The following ULK4 variants were observed in gnomAD, a reference collection of about 807,000 sequenced individuals.
The protein encoded by ULK4 is inactive serine/threonine-protein kinase ULK4.
In ULK4, 133 loss-of-function variants were observed where a neutral mutation model predicts 160.6. That is an observed-to-expected ratio of 0.83 (90% CI 0.72 to 0.96). The LOEUF is 0.96. Ranked by LOEUF, ULK4 falls within the 40% of genes least tolerant of loss-of-function variation. The pLI, the probability that ULK4 is intolerant of heterozygous loss-of-function variation, is 0.00. For missense variants in ULK4, 1,580 were observed against 1,499.5 expected (o/e 1.05, Z -0.89); for synonymous variants, 534 against 539.8 (o/e 0.99, Z 0.15).
chr3:41,797,351 A>C (rs994640809), intron 20 of ULK4, among the ~76,000 whole-genome samples: 6 of 152,202 alleles, frequency 3.9e-5, no homozygotes, highest in African/African-American at 1.4e-4. Flanking sequence ...AATGATGCAA[A>C]TGGATAATCA....
chr3:41,682,194 C>T (rs186711989), intron 27 of ULK4, among the ~76,000 whole-genome samples: 163 of 152,196 alleles, frequency 1.1e-3, no homozygotes, highest in African/African-American at 3.8e-3. Flanking sequence ...AAAAAAAAGA[C>T]ACAATAGTCC....
intron 21 of ULK4, among the ~76,000 whole-genome samples, chr3:41,782,470 G>A (rs569270321): frequency 2.0e-5 from 3 of 151,970 alleles, no homozygotes; most frequent in Non-Finnish European, 2.9e-5. Flanking sequence ...TTAAAAAGAC[G>A]GAGATGATTA....
chr3:41,575,004 C>T (rs1217763984), intron 31 of ULK4, among the ~76,000 whole-genome samples: 1 of 152,090 alleles, frequency 6.6e-6, no homozygotes, highest in African/African-American at 2.4e-5. Flanking sequence ...GGATTTAAAC[C>T]CCTGAAAGGA....
chr3:41,705,502 CT>C (rs907493815), intron 25 of ULK4, among the ~76,000 whole-genome samples, 197 bp from the exon 26 acceptor site: 65 of 145,948 alleles, frequency 4.5e-4, no homozygotes, highest in Non-Finnish European at 3.6e-4. Context: ...ACAATAATCT[CT>C]TTTTTTTTTT....
chr3:41,534,081 C>T (rs1426058990), intron 32 of ULK4, among the ~76,000 whole-genome samples: 1 of 152,200 alleles, frequency 6.6e-6, no homozygotes, highest in Non-Finnish European at 1.5e-5. Flanking sequence ...GCTGGGATTA[C>T]AGGCGTGAGC....
intron 21 of ULK4, among the ~76,000 whole-genome samples, chr3:41,787,716 T>A (rs976454536): frequency 6.6e-6 from 1 of 152,186 alleles, no homozygotes; most frequent in African/African-American, 2.4e-5. Context: ...AATTATAAGT[T>A]CTATGTTATG....
At chr3:41,429,193 C>T (rs964802254) in intron 34 of ULK4, among the ~76,000 whole-genome samples, 14 of 152,080 alleles carry the variant, frequency 9.2e-5, no homozygotes, top group African/African-American at 2.9e-4. Context: ...ACCAAAACTA[C>T]AGTGACTTAC....
chr3:41,446,484 T>C (rs2083299261), intron 34 of ULK4, among the ~76,000 whole-genome samples: 2 of 152,000 alleles, frequency 1.3e-5, no homozygotes, highest in Non-Finnish European at 2.9e-5. Flanking sequence ...GCCAAATGTC[T>C]AACAATGATA....
chr3:41,349,495 G>A lies in ULK4; in HGVS notation c.3678+48584C>T, dbSNP rs1243102180. Reference sequence around the variant, plus strand: ...GTCTTATGCCTAAGTCTTCCTCAGGGACCAGCATAAAACTGTTCCATGCAC... The same window carrying A: ...GTCTTATGCCTAAGTCTTCCTCAGGAACCAGCATAAAACTGTTCCATGCAC... On this transcript the variant is annotated intron_variant, in intron 35 of 36. Coordinates refer to ENST00000301831, the MANE Select transcript of ULK4 (RefSeq NM_017886.4). Among the ~76,000 whole-genome samples, 3 of 152,106 alleles carry A rather than the reference G, an allele frequency of 2.0e-5. No homozygotes were observed. In the East Asian group the frequency reaches 5.8e-4, roughly 29 times the overall value.
chr3:41,413,630 T>C (rs1347243440), intron 34 of ULK4, among the ~76,000 whole-genome samples: 1 of 152,190 alleles, frequency 6.6e-6, no homozygotes, highest in Non-Finnish European at 1.5e-5. Flanking sequence ...TCTTGCCCCA[T>C]GGAACCGTCT....
At chr3:41,408,006 G>A (rs550219305) in intron 34 of ULK4, among the ~76,000 whole-genome samples, 7 of 152,066 alleles carry the variant, frequency 4.6e-5, no homozygotes, top group South Asian at 2.1e-4. Flanking sequence ...GTATGAGATC[G>A]ATATACAAAA....
At chr3:41,714,781 G>A (rs558140918) in intron 25 of ULK4, among the ~76,000 whole-genome samples, 2 of 150,886 alleles carry the variant, frequency 1.3e-5, no homozygotes, top group African/African-American at 4.9e-5. Flanking sequence ...GAACCCAGGA[G>A]GCGGAGGTTG....
intron 30 of ULK4, among the ~76,000 whole-genome samples, chr3:41,631,766 G>C (rs1184667103): frequency 6.6e-6 from 1 of 151,972 alleles, no homozygotes; most frequent in Non-Finnish European, 1.5e-5. Context: ...CTGAAGTCAA[G>C]AGGATCTCCA....
chr3:41,491,887 C>G (rs1222100799), intron 32 of ULK4, among the ~76,000 whole-genome samples: 1 of 150,638 alleles, frequency 6.6e-6, no homozygotes, highest in Admixed American at 6.6e-5. Context: ...CCGCCTCCCC[C>G]CACCCCACAA....
At chr3:41,866,576 C>A (rs1253665897) in intron 17 of ULK4, among the ~76,000 whole-genome samples, 2 of 152,226 alleles carry the variant, frequency 1.3e-5, no homozygotes, top group African/African-American at 4.8e-5. Context: ...GGCAGTAATG[C>A]TCACTGGCCC....
At chr3:41,858,722 C>A (rs2042430313) in intron 17 of ULK4, among the ~76,000 whole-genome samples, 2 of 147,632 alleles carry the variant, frequency 1.4e-5, no homozygotes, top group African/African-American at 2.6e-5. Context: ...CCAGGATGGT[C>A]TGGAACTCCT....
chr3:41,544,116 G>A (rs1234347324), intron 32 of ULK4, among the ~76,000 whole-genome samples: 1 of 152,056 alleles, frequency 6.6e-6, no homozygotes, highest in Non-Finnish European at 1.5e-5. Flanking sequence ...ATTTTTTGTT[G>A]AAAACTGAAC....
chr3:41,931,004 T>A (rs1699575109), intron 5 of ULK4, among the ~76,000 whole-genome samples: 1 of 152,200 alleles, frequency 6.6e-6, no homozygotes, highest in Non-Finnish European at 1.5e-5. Context: ...GGATTATAAA[T>A]CATTCTACTA....
At chr3:41,680,860 G>A (rs950966509) in intron 29 of ULK4, among the ~76,000 whole-genome samples, 56 of 152,208 alleles carry the variant, frequency 3.7e-4, no homozygotes, top group African/African-American at 1.3e-3. Context: ...ATTGACATAT[G>A]GCATATACTT....
Sources: gnomAD v4.1 joint callset for allele counts (sites outside exome capture counted in the v4.1 genomes callset) on GRCh38, gnomAD v4.1.1 for gene constraint, MANE v1.5 for transcripts, NCBI Gene and HGNC (gene_info 2026-07-23, HGNC 2026-07-21) for gene names.